ERC2: variants seen among roughly 807,000 people sequenced by gnomAD.
ERC2 encodes the protein ELKS/RAB6-interacting/CAST family member 2.
A neutral mutation model predicts 114.8 loss-of-function variants in ERC2; 42 were observed. The observed-to-expected ratio is 0.37, with a 90% CI of 0.29 to 0.47. The LOEUF (loss-of-function observed/expected upper bound fraction) is 0.47, where lower values mean the gene tolerates loss of function less well. Ranked by LOEUF, ERC2 falls within the 20% of genes least tolerant of loss-of-function variation. The pLI is 0.99. For synonymous variants in ERC2, 454 were observed against 425.5 expected, an observed-to-expected ratio of 1.07 and a Z score of -0.82; for missense variants, 939 against 1,150.7, an observed-to-expected ratio of 0.82 and a Z score of 2.66.
intron 17 of ERC2, among the ~76,000 whole-genome samples, chr3:55,548,641 G>A: frequency 6.6e-6 from 1 of 152,218 alleles, no homozygotes. Context: ...CAAATTCTCT[G>A]TCTACCCCAG....
chr3:56,348,718 GACCCAA>G (rs1343345469), intron 2 of ERC2, among the ~76,000 whole-genome samples: 5 of 151,736 alleles, frequency 3.3e-5, no homozygotes, highest in Admixed American at 2.6e-4. Context: ...GCCCCAAATG[GACCCAA>G]TATAGTCCAT....
chr3:55,690,852 G>C lies in ERC2; in HGVS notation c.2848-6993C>G, dbSNP rs1486015261. ...ATGCAGGGAATTAGCATCGCACCCA[G>C]ATTAAAGGGCTTTGACAATAACCTG... On this transcript the variant is annotated intron_variant, in intron 16 of 17. Transcript: ENST00000288221. 2.0e-5 allele frequency among the ~76,000 whole-genome samples: 3 copies of C among 152,214 alleles called. No individual in the cohort carries two copies. In the East Asian group the frequency reaches 5.8e-4, roughly 29 times the overall value.
At chr3:56,022,075 T>C (rs550808183) in intron 7 of ERC2, among the ~76,000 whole-genome samples, 6 of 152,338 alleles carry the variant, frequency 3.9e-5, no homozygotes, top group South Asian at 2.1e-4. Context: ...TATATTCCAC[T>C]GGGTATATAC....
At chr3:56,271,902 T>C (rs1347803499) in intron 3 of ERC2, among the ~76,000 whole-genome samples, 1 of 152,186 alleles carries the variant, frequency 6.6e-6, no homozygotes, top group South Asian at 2.1e-4. Flanking sequence ...TCCAGCTCCA[T>C]CCATGTTGCT....
intron 6 of ERC2, among the ~76,000 whole-genome samples, chr3:56,098,481 G>C (rs73831894): frequency 8.5e-5 from 13 of 152,308 alleles, no homozygotes; most frequent in African/African-American, 3.1e-4. Flanking sequence ...TTCCCTATGA[G>C]GCACAGGTTT....
intron 14 of ERC2, among the ~76,000 whole-genome samples, chr3:55,812,884 A>C (rs150175191): frequency 1.2e-4 from 19 of 152,370 alleles, no homozygotes; most frequent in African/African-American, 4.1e-4. Flanking sequence ...CGTGTCTTGC[A>C]TGCTGCCTGG....
At chr3:55,537,754 G>A (rs1034515218) in intron 17 of ERC2, among the ~76,000 whole-genome samples, 2 of 152,124 alleles carry the variant, frequency 1.3e-5, no homozygotes, top group South Asian at 4.1e-4. Context: ...CCAAAGTCCT[G>A]CTTACTCTGC....
chr3:55,784,249 C>A (rs972101541), intron 14 of ERC2, among the ~76,000 whole-genome samples: 1 of 151,962 alleles, frequency 6.6e-6, no homozygotes, highest in Non-Finnish European at 1.5e-5. Context: ...TCCCCTATAC[C>A]TCCACACAAT....
chr3:55,712,126 T>G (rs1422764722), intron 15 of ERC2, among the ~76,000 whole-genome samples: 1 of 152,244 alleles, frequency 6.6e-6, no homozygotes, highest in East Asian at 1.9e-4. Flanking sequence ...TGAGCCCCCT[T>G]TTAATGTCCT....
chr3:55,975,042 C>T (rs976895391), intron 12 of ERC2, among the ~76,000 whole-genome samples: 1 of 152,036 alleles, frequency 6.6e-6, no homozygotes, highest in Non-Finnish European at 1.5e-5. Context: ...TGATTCTGGC[C>T]CTGGAACCGA....
chr3:56,213,423 A>G (rs2150128240), intron 3 of ERC2, among the ~76,000 whole-genome samples: 1 of 152,304 alleles, frequency 6.6e-6, no homozygotes, highest in South Asian at 2.1e-4. Flanking sequence ...CATTGCTAGC[A>G]CAGCAGTCTG....
chr3:56,020,261 A>T (rs1423051931), intron 7 of ERC2, among the ~76,000 whole-genome samples: 2 of 152,124 alleles, frequency 1.3e-5, no homozygotes, highest in African/African-American at 4.8e-5. Flanking sequence ...CCTAACAAAG[A>T]TGAAATTTTT....
chr3:56,103,743 G>A (rs534668670), intron 6 of ERC2, among the ~76,000 whole-genome samples: 1 of 149,058 alleles, frequency 6.7e-6, no homozygotes, highest in Non-Finnish European at 1.5e-5. Context: ...AACTAGAAGT[G>A]TATCTATCTA....
chr3:56,022,653 C>A (rs1022891832), intron 7 of ERC2, among the ~76,000 whole-genome samples: 1 of 152,072 alleles, frequency 6.6e-6, no homozygotes, highest in Admixed American at 6.6e-5. Context: ...TGAGGTTGTG[C>A]AAGGCTCAAA....
chr3:56,297,561 C>T (rs1208242363), intron 2 of ERC2, among the ~76,000 whole-genome samples: 1 of 152,234 alleles, frequency 6.6e-6, no homozygotes, highest in Admixed American at 6.5e-5. Flanking sequence ...GACAAACCCC[C>T]AGGCTGGTCA....
At chr3:55,674,352 G>A (rs1192866570) in intron 17 of ERC2, among the ~76,000 whole-genome samples, 1 of 152,116 alleles carries the variant, frequency 6.6e-6, no homozygotes, top group Non-Finnish European at 1.5e-5. Context: ...TCTCCATCAA[G>A]TACATATTTA....
chr3:55,941,665 C>A (rs756864407), intron 13 of ERC2, among the ~76,000 whole-genome samples: 1 of 152,298 alleles, frequency 6.6e-6, no homozygotes, highest in Non-Finnish European at 1.5e-5. Flanking sequence ...AGCTATTATT[C>A]TTTTGGTTGA....
At chr3:56,132,738 A>T (rs927748668) in intron 6 of ERC2, among the ~76,000 whole-genome samples, 1 of 152,238 alleles carries the variant, frequency 6.6e-6, no homozygotes, top group African/African-American at 2.4e-5. Context: ...GAGAGAACAA[A>T]GTCATACACA....
At chr3:55,537,078 T>C (rs1175127988) in intron 17 of ERC2, among the ~76,000 whole-genome samples, 3 of 152,230 alleles carry the variant, frequency 2.0e-5, no homozygotes, top group African/African-American at 4.8e-5. Context: ...CAGCCTTTAA[T>C]TGACTCCAGT....
Sources: gnomAD v4.1 joint callset for allele counts (sites outside exome capture counted in the v4.1 genomes callset) on GRCh38, gnomAD v4.1.1 for gene constraint, MANE v1.5 for transcripts, NCBI Gene and HGNC (gene_info 2026-07-23, HGNC 2026-07-21) for gene names.